Variants in PTPN13 observed in about 807,000 individuals in gnomAD.
PTPN13 encodes protein tyrosine phosphatase non-receptor type 13, also known as tyrosine-protein phosphatase non-receptor type 13.
In PTPN13, 191 loss-of-function variants were observed where a neutral mutation model predicts 284.0. The ratio of observed to expected loss-of-function variants is 0.67; its 90% CI spans 0.60 to 0.76. PTPN13 has a LOEUF of 0.76. Among genes scored for constraint, PTPN13 ranks in the 30% least tolerant of loss-of-function variants. PTPN13 has a pLI of 0.00. For missense variants in PTPN13, 2,797 were observed against 2,939.9 expected (o/e 0.95, Z 1.12); for synonymous variants, 986 against 1,022.3 (o/e 0.96, Z 0.68).
chr4:86,794,542 A>T (rs951777037), intron 40 of PTPN13, among the ~76,000 whole-genome samples: 5 of 152,194 alleles, frequency 3.3e-5, no homozygotes, highest in African/African-American at 1.2e-4. Flanking sequence ...AATAGGAAAA[A>T]ACTACTTTAA....
chr4:86,747,508 C>CTATACTA (rs1198258946), intron 17 of PTPN13, among the ~76,000 whole-genome samples: 5 of 152,214 alleles, frequency 3.3e-5, no homozygotes, highest in Admixed American at 2.0e-4. Context: ...CTATATGCTG[C>CTATACTA]TATACTATGT....
At chr4:86,610,894 G>A (rs1159308696) in intron 1 of PTPN13, among the ~76,000 whole-genome samples, 1 of 152,116 alleles carries the variant, frequency 6.6e-6, no homozygotes, top group Admixed American at 6.5e-5. Flanking sequence ...CCAGCTGTCT[G>A]TTTTGATTAA....
At chr4:86,677,281 A>G (rs974049810) in intron 3 of PTPN13, among the ~76,000 whole-genome samples, 10 of 150,934 alleles carry the variant, frequency 6.6e-5, no homozygotes, top group African/African-American at 2.4e-4. Flanking sequence ...AACAACAACA[A>G]CAAAATATAT....
chr4:86,612,013 G>A (rs1481892505), intron 1 of PTPN13, among the ~76,000 whole-genome samples: 3 of 152,200 alleles, frequency 2.0e-5, no homozygotes, highest in Non-Finnish European at 4.4e-5. Context: ...GAAGCACTGG[G>A]TAGAGCACAC....
intron 6 of PTPN13, among the ~76,000 whole-genome samples, chr4:86,700,362 C>CT (rs1293968294): frequency 1.3e-5 from 2 of 151,930 alleles, no homozygotes; most frequent in Non-Finnish European, 1.5e-5. Context: ...ACCCGTATTT[C>CT]TTTTTTCAGT....
intron 40 of PTPN13, 149 bp downstream of exon 40, chr4:86,786,085 TAA>T (rs1741880017): frequency 4.8e-6 from 2 of 420,628 alleles, no homozygotes; most frequent in East Asian, 7.1e-5. Context: ...TGTGTTACAT[TAA>T]AGTGTCATCC....
intron 1 of PTPN13, among the ~76,000 whole-genome samples, chr4:86,620,800 C>T (rs1478506675): frequency 1.3e-5 from 2 of 152,198 alleles, no homozygotes; most frequent in Non-Finnish European, 2.9e-5. Context: ...TCTAGCAGGT[C>T]TAATTTCGGG....
chr4:86,719,737 T>C (rs1733436836), intron 9 of PTPN13, among the ~76,000 whole-genome samples: 1 of 152,206 alleles, frequency 6.6e-6, no homozygotes, highest in Non-Finnish European at 1.5e-5. Flanking sequence ...GATATGAAGC[T>C]TTTTTCAATG....
chr4:86,614,011 A>T (rs1330237838), intron 1 of PTPN13, among the ~76,000 whole-genome samples: 1 of 152,168 alleles, frequency 6.6e-6, no homozygotes, highest in East Asian at 1.9e-4. Flanking sequence ...TATTTTTCTA[A>T]CTCATAATTG....
chr4:86,780,367 A>C (rs1200662342), intron 35 of PTPN13, 35 bp from the exon 36 acceptor site: 1 of 1,569,526 alleles, frequency 6.4e-7, no homozygotes, highest in Admixed American at 1.8e-5. Flanking sequence ...TACAATGTCC[A>C]AGACAATTTA....
intron 40 of PTPN13, among the ~76,000 whole-genome samples, chr4:86,793,946 A>T (rs1348456727): frequency 6.6e-6 from 1 of 152,192 alleles, no homozygotes; most frequent in Non-Finnish European, 1.5e-5. Context: ...AGAACTAGAG[A>T]AGCAAGAGCA....
chr4:86,608,372 C>T (rs1259939890), intron 1 of PTPN13, among the ~76,000 whole-genome samples: 5 of 151,938 alleles, frequency 3.3e-5, no homozygotes, highest in Non-Finnish European at 4.4e-5. Flanking sequence ...GATTCTAATG[C>T]TTTATGTTAT....
intron 1 of PTPN13, among the ~76,000 whole-genome samples, chr4:86,619,907 G>T (rs1179335299): frequency 1.3e-5 from 2 of 151,916 alleles, no homozygotes; most frequent in Non-Finnish European, 2.9e-5. Flanking sequence ...TGCTGCACAG[G>T]CAGGCCACAC....
chr4:86,610,613 C>A (rs894668636), intron 1 of PTPN13, among the ~76,000 whole-genome samples: 3 of 152,334 alleles, frequency 2.0e-5, no homozygotes, highest in African/African-American at 2.4e-5. Context: ...GCTGCCACAT[C>A]TCCTATTTTT....
chr4:86,784,491 A>G lies in PTPN13; in HGVS notation c.6051A>G (p.Ile2017Met), dbSNP rs758069511. ...TTGCTGGGGAAGAAATAAATGAAAT[A>G]TCGTACCCCAAAGGAAAATGTTCTA... Reference protein sequence around the residue: ...STVAGEEINEISYPKGKCSTY... With the variant: ...STVAGEEINEMSYPKGKCSTY... The change falls in exon 38 of 48, where the codon ATA becomes ATG. Residue 2017 changes from isoleucine to methionine, a missense_variant. Coordinates refer to ENST00000411767, the MANE Select transcript of PTPN13 (RefSeq NM_080683.3). 1.2e-5 allele frequency: 20 copies of G among 1,607,076 alleles called. No individual in the cohort carries two copies. The Middle Eastern group carries it at 4.9e-4, about 40-fold the overall frequency.
intron 2 of PTPN13, among the ~76,000 whole-genome samples, chr4:86,642,749 C>G (rs1244272470): frequency 1.3e-5 from 2 of 152,104 alleles, no homozygotes; most frequent in African/African-American, 4.8e-5. Context: ...GCCACCGCGC[C>G]TGGCCCACTT....
At position 86,766,536 on chromosome 4, in the gene PTPN13, A is replaced by G; in HGVS notation, c.4329+19A>G. On this transcript the variant is annotated intron_variant, in intron 27 of 47. Coordinates refer to ENST00000411767, the MANE Select transcript of PTPN13 (RefSeq NM_080683.3). ...AGGACAGGTAACAGATCATTATACC[A>G]ACCTTTTACAGTACCTTAGAAGAGC... 3 of 1,535,836 alleles carry G rather than the reference A, an allele frequency of 2.0e-6. No homozygotes were observed. Among genetic ancestry groups the G allele is most frequent in the Non-Finnish European group, 1.8e-6 (2 of 1,128,580 alleles).
intron 2 of PTPN13, among the ~76,000 whole-genome samples, chr4:86,645,803 TA>T (rs1394008755): frequency 2.0e-5 from 3 of 152,164 alleles, no homozygotes; most frequent in Non-Finnish European, 2.9e-5. Context: ...CAACAGGCTA[TA>T]TTTTTTTTTG....
At chr4:86,696,454 A>G (rs991646152) in intron 6 of PTPN13, among the ~76,000 whole-genome samples, 3 of 152,000 alleles carry the variant, frequency 2.0e-5, no homozygotes, top group African/African-American at 7.2e-5. Flanking sequence ...AAAATAAAAC[A>G]TCTTGCCTCA....
Sources: gnomAD v4.1 joint callset for allele counts (sites outside exome capture counted in the v4.1 genomes callset) on GRCh38, gnomAD v4.1.1 for gene constraint, MANE v1.5 for transcripts, NCBI Gene and HGNC (gene_info 2026-07-23, HGNC 2026-07-21) for gene names.